CCDC97: variants seen among roughly 807,000 people sequenced by gnomAD.
CCDC97 encodes coiled-coil domain containing 97.
In CCDC97, 27 loss-of-function variants were observed where a neutral mutation model predicts 33.9. The ratio of observed to expected loss-of-function variants is 0.80; its 90% CI spans 0.59 to 1.10. The LOEUF (loss-of-function observed/expected upper bound fraction) is 1.10, where lower values mean the gene tolerates loss of function less well. Among genes scored for constraint, CCDC97 ranks in the 50% least tolerant of loss-of-function variants. CCDC97 has a pLI of 0.00. For missense variants in CCDC97, 422 were observed against 476.6 expected, an observed-to-expected ratio of 0.89 and a Z score of 1.07; for synonymous variants, 217 against 194.0, an observed-to-expected ratio of 1.12 and a Z score of -0.99.
Position 41,323,431 on chromosome 19 carries a change from C to G in CCDC97, c.*716C>G, listed in dbSNP as rs1261514074. ...CTCCAGGCTCTGGGCCCCTTCTTCC[C>G]CCTTCCCTCAAACCTGGCTGCTATA... On this transcript the variant is annotated 3_prime_UTR_variant, in exon 5 of 5. Coordinates refer to ENST00000269967, the MANE Select transcript of CCDC97 (RefSeq NM_052848.3). 1 of 153,496 alleles carries G rather than the reference C, an allele frequency of 6.5e-6. No individual in the cohort carries two copies. The highest frequency in any genetic ancestry group is 2.0e-4 in the South Asian group (1 of 4,900). The allele number at this position is 153,496 out of a possible 1,614,324, so 9.5% of individuals were successfully genotyped here. A position where few individuals can be genotyped will look rare whatever the true frequency, so the allele number is the denominator to read the frequency against.
At position 41,322,614 on chromosome 19, in the gene CCDC97, G is replaced by C; in HGVS notation, c.931G>C (p.Asp311His). Reference sequence around the variant, plus strand: ...CTGCAGCACAGTAGACGACAACCCCGACTTCGACAACCTCGACATCGTGGC... The same window carrying C: ...CTGCAGCACAGTAGACGACAACCCCCACTTCGACAACCTCGACATCGTGGC... ...FDYSTVDDNP[D>H]FDNLDIVARD... Residue 311 changes from aspartate to histidine, a missense_variant, in exon 5 of 5, where the codon GAC becomes CAC. By Grantham distance (81) the Asp-to-His change is moderately conservative. Coordinates refer to ENST00000269967, the MANE Select transcript of CCDC97 (RefSeq NM_052848.3). The C allele has an allele frequency of 1.9e-6, 3 of 1,613,398 alleles. No homozygotes were observed. The highest frequency in any genetic ancestry group is 2.5e-6 in the Non-Finnish European group (3 of 1,179,618).
chr19:41,322,740 G>C lies in CCDC97; in HGVS notation c.*25G>C. The C allele has an allele frequency of 6.2e-7, 1 of 1,608,318 alleles. No homozygotes were observed. The highest frequency in any genetic ancestry group is 8.5e-7 in the Non-Finnish European group (1 of 1,176,882). On this transcript the variant is annotated 3_prime_UTR_variant, in exon 5 of 5. Transcript: ENST00000269967. ...ATGGCCGCCACCCTTCCCACCGCCT[G>C]CCCCATCCCCATCCCCAACAAGGCA...
intron 4 of CCDC97, among the ~76,000 whole-genome samples, chr19:41,321,557 G>C (rs2037825121): frequency 6.6e-6 from 1 of 152,200 alleles, no homozygotes; most frequent in Non-Finnish European, 1.5e-5. Flanking sequence ...TGCCTGAAAA[G>C]GGGTCCCACT....
intron 1 of CCDC97, 159 bp downstream of exon 1, chr19:41,310,515 C>T: frequency 1.0e-6 from 1 of 985,144 alleles, no homozygotes; most frequent in South Asian, 4.7e-5. Context: ...TTATTCCCTC[C>T]CTTGTCGCGG....
intron 1 of CCDC97, among the ~76,000 whole-genome samples, chr19:41,311,588 C>A (rs938017958): frequency 6.6e-6 from 1 of 152,092 alleles, no homozygotes; most frequent in South Asian, 2.1e-4. Flanking sequence ...CAAATATTAG[C>A]CAGGCGTCGT....
At chr19:41,314,371 A>G (rs1049077895) in intron 1 of CCDC97, among the ~76,000 whole-genome samples, 1 of 151,560 alleles carries the variant, frequency 6.6e-6, no homozygotes, top group Non-Finnish European at 1.5e-5. Flanking sequence ...TGAAATCCCG[A>G]CCTCAGGTGA....
chr19:41,314,554 TCAATAAGTCAGGC>T (rs1033998736), intron 1 of CCDC97, among the ~76,000 whole-genome samples: 1 of 152,258 alleles, frequency 6.6e-6, no homozygotes, highest in Admixed American at 6.5e-5. Context: ...ATTGAGTGGA[TCAATAAGTCAGGC>T]CTCAGGGCCT....
chr19:41,310,466 C>T, intron 1 of CCDC97, 110 bp downstream of exon 1: 3 of 1,516,594 alleles, frequency 2.0e-6, no homozygotes, highest in South Asian at 1.2e-5. Flanking sequence ...ACACCCACCC[C>T]CCTCAGCTTT....
chr19:41,316,050 C>T (rs768979194), intron 1 of CCDC97, among the ~76,000 whole-genome samples: 3 of 150,798 alleles, frequency 2.0e-5, no homozygotes, highest in African/African-American at 4.9e-5. Context: ...GCTGTGATTG[C>T]GCCCTGCACT....
At chr19:41,313,347 A>T (rs1210935862) in intron 1 of CCDC97, among the ~76,000 whole-genome samples, 1 of 152,100 alleles carries the variant, frequency 6.6e-6, no homozygotes, top group South Asian at 2.1e-4. Context: ...CCCGTGTAGC[A>T]GCAGTCGGAC....
At position 41,316,805 on chromosome 19, in the gene CCDC97, C is replaced by G; in HGVS notation, c.468C>G (p.Asn156Lys). The G allele has an allele frequency of 6.3e-7, 1 of 1,599,176 alleles. No individual in the cohort carries two copies. The highest frequency in any genetic ancestry group is 8.6e-7 in the Non-Finnish European group (1 of 1,168,410). Residue 156 changes from asparagine to lysine, a missense_variant, in exon 2 of 5, where the codon AAC becomes AAG. Physicochemically the swap from Asn to Lys is moderately conservative, Grantham distance 94 (BLOSUM62 0). Coordinates refer to ENST00000269967, the MANE Select transcript of CCDC97 (RefSeq NM_052848.3). ...RPRTLRTRLR[N>K]RRYAALRELI... ...GCACCCTGCGTACCCGCCTGCGTAACCGGCGCTATGCTGCCCTGCGAGAGC... is the reference window on the plus strand; with the variant it reads ...GCACCCTGCGTACCCGCCTGCGTAAGCGGCGCTATGCTGCCCTGCGAGAGC...
At chr19:41,320,238 C>T in intron 3 of CCDC97, 103 bp from the exon 4 acceptor site, 1 of 1,498,592 alleles carries the variant, frequency 6.7e-7, no homozygotes, top group Non-Finnish European at 9.1e-7. Context: ...CAGAGCCACC[C>T]AGCGCAAGGC....
At chr19:41,316,093 G>T (rs906065389) in intron 1 of CCDC97, among the ~76,000 whole-genome samples, 5 of 152,072 alleles carry the variant, frequency 3.3e-5, no homozygotes, top group Non-Finnish European at 5.9e-5. Flanking sequence ...ACCCTGTCTC[G>T]AAAATAAAAT....
In CCDC97 at chr19:41,319,609, CG is replaced by C. The variant is rs1568469910; in HGVS notation, c.541del (p.Ala181ProfsTer99). 2 of 1,611,462 alleles carry C rather than the reference CG, an allele frequency of 1.2e-6. No homozygotes were observed. The highest frequency in any genetic ancestry group is 4.5e-5 in the East Asian group (2 of 44,834). ...EYFSDEQMRF[R>X]APLLYEQYIG... ...CTTCAGTGATGAGCAGATGCGGTTC[CG>C]GGCCCCCCTGCTATATGAGCAGTAC... On this transcript the variant is annotated frameshift_variant, in exon 3 of 5. Transcript: ENST00000269967. LOFTEE classifies it high-confidence loss of function.
intron 3 of CCDC97, among the ~76,000 whole-genome samples, chr19:41,320,087 G>T (rs746356255): frequency 3.2e-4 from 49 of 152,178 alleles, no homozygotes; most frequent in Non-Finnish European, 6.6e-4. Context: ...TGTTCCCTCC[G>T]CCAGGAATGC....
chr19:41,316,941 C>T lies in CCDC97; in HGVS notation c.502+102C>T, dbSNP rs2037757140. 4 of 928,752 alleles carry T rather than the reference C, an allele frequency of 4.3e-6. No homozygotes were observed. In the South Asian group the frequency reaches 7.0e-5, roughly 16 times the overall value. 57.5% of individuals were successfully genotyped at this position (928,752 alleles called of 1,614,324 possible). On this transcript the variant is annotated intron_variant, in intron 2 of 4. Transcript: ENST00000269967. ...GAATACAAGAGCAGAGACAGAGATCCTGGGAGAGAAGTTCTGAGACAGAGA... is the reference window on the plus strand; with the variant it reads ...GAATACAAGAGCAGAGACAGAGATCTTGGGAGAGAAGTTCTGAGACAGAGA...
rs538212877 is a variant in CCDC97, at chr19:41,322,873, A to C, written c.*158A>C. On this transcript the variant is annotated 3_prime_UTR_variant, in exon 5 of 5. Coordinates refer to ENST00000269967, the MANE Select transcript of CCDC97 (RefSeq NM_052848.3). ...ACTGGGTCTAGTCTCATCTCAGACAACCCCCACCCCCACTGTTTCTGGGGT... is the reference window on the plus strand; with the variant it reads ...ACTGGGTCTAGTCTCATCTCAGACACCCCCCACCCCCACTGTTTCTGGGGT... 1.5e-6 allele frequency: 1 copy of C among 657,166 alleles called. No individual in the cohort carries two copies. The highest frequency in any genetic ancestry group is 3.6e-5 in the Admixed American group (1 of 27,520). The allele number at this position is 657,166 out of a possible 1,614,324, so 40.7% of individuals were successfully genotyped here. A position where few individuals can be genotyped will look rare whatever the true frequency, so the allele number is the denominator to read the frequency against.
At chr19:41,321,843 C>G (rs899790877) in intron 4 of CCDC97, among the ~76,000 whole-genome samples, 2 of 152,206 alleles carry the variant, frequency 1.3e-5, no homozygotes, top group African/African-American at 4.8e-5. Flanking sequence ...CTAGGCTTGG[C>G]AACCCAAGTG....
chr19:41,322,320 G>A (rs2037832450), intron 4 of CCDC97, among the ~76,000 whole-genome samples: 1 of 152,198 alleles, frequency 6.6e-6, no homozygotes, highest in Non-Finnish European at 1.5e-5. Context: ...TCCAACTGCT[G>A]GGCTCAAGCC....
Sources: allele counts gnomAD v4.1 joint callset (sites outside exome capture counted in the v4.1 genomes callset), GRCh38; gene constraint gnomAD v4.1.1; transcripts MANE v1.5; gene names NCBI Gene and HGNC (gene_info 2026-07-23, HGNC 2026-07-21).